Variants in FHIT observed in about 807,000 individuals in gnomAD.
The protein encoded by FHIT is bis(5'-adenosyl)-triphosphatase.
A neutral mutation model predicts 17.9 loss-of-function variants in FHIT; 19 were observed. The observed-to-expected ratio is 1.06, with a 90% CI of 0.74 to 1.56. The LOEUF is 1.56. Ranked by LOEUF, FHIT falls within the 40% of genes most tolerant of loss-of-function variation. FHIT has a pLI of 0.00. For synonymous variants in FHIT, 81 were observed against 69.7 expected (o/e 1.16, Z -0.81); for missense variants, 248 against 189.2 (o/e 1.31, Z -1.82).
intron 5 of FHIT, among the ~76,000 whole-genome samples, chr3:60,027,950 ATTTTG>A (rs1243630807): frequency 6.6e-6 from 1 of 152,180 alleles, no homozygotes; most frequent in East Asian, 1.9e-4. Context: ...ATTTAATTGC[ATTTTG>A]TTTTAATTTT....
Position 60,882,555 on chromosome 3 carries a change from G to A in FHIT, c.-110-60544C>T, listed in dbSNP as rs769350324. Among the ~76,000 whole-genome samples the A allele has an allele frequency of 5.3e-5, 8 of 152,190 alleles. No homozygotes were observed. The East Asian group carries it at 1.2e-3, about 22-fold the overall frequency. ...GGATTTATCCCAGCGATGCAAGGAC[G>A]GTTCAACATATGCTAATCAATAAAT... On this transcript the variant is annotated intron_variant, in intron 3 of 9. Transcript: ENST00000492590.
chr3:60,332,018 T>C (rs1309117693), intron 5 of FHIT, among the ~76,000 whole-genome samples: 1 of 152,010 alleles, frequency 6.6e-6, no homozygotes, highest in East Asian at 1.9e-4. Flanking sequence ...AAATGAGGGG[T>C]GTATCCAACA....
intron 3 of FHIT, among the ~76,000 whole-genome samples, chr3:60,865,450 A>G (rs1455214558): frequency 1.3e-5 from 2 of 152,222 alleles, no homozygotes; most frequent in African/African-American, 4.8e-5. Flanking sequence ...TTATTTAGAT[A>G]AAAGTAGTGA....
At chr3:60,686,785 G>C (rs1182068584) in intron 4 of FHIT, among the ~76,000 whole-genome samples, 1 of 152,148 alleles carries the variant, frequency 6.6e-6, no homozygotes, top group East Asian at 1.9e-4. Context: ...CATAAGGCCA[G>C]AAAGACTGAG....
chr3:60,187,234 C>G (rs1025473681), intron 5 of FHIT, among the ~76,000 whole-genome samples: 5 of 152,084 alleles, frequency 3.3e-5, no homozygotes, highest in African/African-American at 1.2e-4. Flanking sequence ...CCCCTAATGT[C>G]AAACTGCAAT....
At chr3:60,351,334 C>G (rs1292563243) in intron 5 of FHIT, among the ~76,000 whole-genome samples, 1 of 152,166 alleles carries the variant, frequency 6.6e-6, no homozygotes, top group Non-Finnish European at 1.5e-5. Flanking sequence ...CACTCAGACG[C>G]AAGCCACCTC....
intron 8 of FHIT, among the ~76,000 whole-genome samples, chr3:59,878,165 G>T (rs1322858826): frequency 6.6e-6 from 1 of 151,918 alleles, no homozygotes; most frequent in African/African-American, 2.4e-5. Context: ...GATTGTACTT[G>T]GCATATTTCC....
intron 5 of FHIT, among the ~76,000 whole-genome samples, chr3:60,469,461 G>A (rs1001388719): frequency 1.3e-5 from 2 of 152,002 alleles, no homozygotes; most frequent in African/African-American, 4.8e-5. Flanking sequence ...TCTTCAGTAG[G>A]CCAGCTGCAT....
At chr3:60,512,244 A>G (rs2034978667) in intron 5 of FHIT, among the ~76,000 whole-genome samples, 1 of 152,180 alleles carries the variant, frequency 6.6e-6, no homozygotes, top group Non-Finnish European at 1.5e-5. Flanking sequence ...AGCATCCTGA[A>G]TCAGATTAAA....
intron 5 of FHIT, among the ~76,000 whole-genome samples, chr3:60,147,702 G>A (rs1411960812): frequency 6.6e-6 from 1 of 152,142 alleles, no homozygotes; most frequent in African/African-American, 2.4e-5. Context: ...TTCCCCCTAA[G>A]AATAAAGGAG....
chr3:59,806,597 G>T (rs1297410436), intron 8 of FHIT, among the ~76,000 whole-genome samples: 1 of 142,476 alleles, frequency 7.0e-6, no homozygotes, highest in Non-Finnish European at 1.5e-5. Flanking sequence ...AGTTAAAGCA[G>T]TTGAGCAAAT....
intron 5 of FHIT, among the ~76,000 whole-genome samples, chr3:60,237,773 G>C (rs1401535502): frequency 6.6e-6 from 1 of 152,096 alleles, no homozygotes; most frequent in Non-Finnish European, 1.5e-5. Flanking sequence ...TATTATTTTA[G>C]GAAAAGCTCT....
chr3:59,946,591 T>C (rs1055326315), intron 7 of FHIT, among the ~76,000 whole-genome samples: 6 of 152,216 alleles, frequency 3.9e-5, no homozygotes, highest in African/African-American at 1.4e-4. Flanking sequence ...ATCCTTGTTT[T>C]ATTACAGTTC....
intron 2 of FHIT, among the ~76,000 whole-genome samples, chr3:61,058,225 A>G (rs949846576): frequency 1.3e-5 from 2 of 152,192 alleles, no homozygotes; most frequent in African/African-American, 4.8e-5. Flanking sequence ...ATGAGTCTCC[A>G]CATATGGCAC....
intron 8 of FHIT, among the ~76,000 whole-genome samples, chr3:59,816,415 G>A (rs953412223): frequency 6.6e-6 from 1 of 152,154 alleles, no homozygotes; most frequent in African/African-American, 2.4e-5. Flanking sequence ...TTATAATACT[G>A]TGGATTTCTT....
intron 5 of FHIT, among the ~76,000 whole-genome samples, chr3:60,385,604 G>C (rs1009275191): frequency 9.2e-5 from 14 of 152,228 alleles, no homozygotes; most frequent in Admixed American, 2.0e-4. Context: ...AACTGAAACA[G>C]GATCTCACTT....
chr3:60,086,642 G>A (rs532687614), intron 5 of FHIT, among the ~76,000 whole-genome samples: 9 of 152,332 alleles, frequency 5.9e-5, no homozygotes, highest in Non-Finnish European at 8.8e-5. Context: ...CAGGCCCTGT[G>A]CAAGTCTGAA....
rs1423837501 is a variant in FHIT at position 60,001,442 on chromosome 3, G to A, written c.279+9929C>T. Among the ~76,000 whole-genome samples, 3 of 152,120 alleles carry A rather than the reference G, an allele frequency of 2.0e-5. No individual in the cohort carries two copies. In the East Asian group the frequency reaches 5.8e-4, roughly 29 times the overall value. On this transcript the variant is annotated intron_variant, in intron 7 of 9. Transcript: ENST00000492590. ...ATCTGGCACATAGTAGGTGATAGAA[G>A]AATAAATTAATGAATGAATGCCAGA...
chr3:60,184,638 T>C (rs1220618102), intron 5 of FHIT, among the ~76,000 whole-genome samples: 1 of 152,218 alleles, frequency 6.6e-6, no homozygotes, highest in Non-Finnish European at 1.5e-5. Context: ...TTTTGCATTC[T>C]GAAGTTACTC....
Sources: gnomAD v4.1 joint callset for allele counts (sites outside exome capture counted in the v4.1 genomes callset) on GRCh38, gnomAD v4.1.1 for gene constraint, MANE v1.5 for transcripts, NCBI Gene and HGNC (gene_info 2026-07-23, HGNC 2026-07-21) for gene names.